The following PITPNC1 variants were observed in gnomAD, a reference collection of about 807,000 sequenced individuals.
PITPNC1 encodes the protein phosphatidylinositol transfer protein cytoplasmic 1.
In PITPNC1, 18 loss-of-function variants were observed where a neutral mutation model predicts 44.7. The observed-to-expected ratio is 0.40, with a 90% CI of 0.28 to 0.60. PITPNC1 has a LOEUF of 0.60. PITPNC1 is among the 20% of genes least tolerant of loss of function. PITPNC1 has a pLI of 0.39. For missense variants in PITPNC1, 290 were observed against 418.4 expected, an observed-to-expected ratio of 0.69 and a Z score of 2.68; for synonymous variants, 141 against 149.6, an observed-to-expected ratio of 0.94 and a Z score of 0.42.
intron 1 of PITPNC1, among the ~76,000 whole-genome samples, chr17:67,451,288 T>C (rs937129655): frequency 2.6e-5 from 4 of 152,216 alleles, no homozygotes; most frequent in South Asian, 2.1e-4. Context: ...CACCTTGGCC[T>C]CCCAGACTGC....
chr17:67,393,407 GT>G (rs371157971), intron 1 of PITPNC1, among the ~76,000 whole-genome samples: 3,996 of 146,146 alleles, frequency 0.027, 174 homozygotes, highest in African/African-American at 0.09. Flanking sequence ...ATCTGATCAG[GT>G]TTTTTTTTTT....
At chr17:67,521,479 A>G (rs1437127634) in intron 1 of PITPNC1, among the ~76,000 whole-genome samples, 1 of 152,028 alleles carries the variant, frequency 6.6e-6, no homozygotes, top group East Asian at 1.9e-4. Flanking sequence ...GCAGGTTTGT[A>G]TTTTCTTTGT....
rs577296045 is a variant in PITPNC1, at chr17:67,540,033, A to C, written c.197+7083A>C. Among the ~76,000 whole-genome samples, 238 of 152,188 alleles carry C rather than the reference A, an allele frequency of 1.6e-3. 1 individual carries two copies. The highest frequency in any genetic ancestry group is 5.6e-3 in the African/African-American group (233 of 41,524). On this transcript the variant is annotated intron_variant, in intron 2 of 8. Coordinates refer to ENST00000581322, the MANE Select transcript of PITPNC1 (RefSeq NM_012417.4). ...TTACCTTTGAGGAGGGAGAGGAATG[A>C]GTTGGCATGAGAGGAAACTTTACCT...
intron 5 of PITPNC1, among the ~76,000 whole-genome samples, chr17:67,627,769 A>G (rs2041913277): frequency 6.6e-6 from 1 of 152,152 alleles, no homozygotes; most frequent in Non-Finnish European, 1.5e-5. Flanking sequence ...CTGACTGGCC[A>G]TGTGACTTTG....
intron 1 of PITPNC1, among the ~76,000 whole-genome samples, chr17:67,515,084 C>G (rs1301231678): frequency 2.0e-5 from 3 of 152,168 alleles, no homozygotes; most frequent in African/African-American, 7.2e-5. Context: ...GGTTAAAAAT[C>G]AGATTTGTCT....
intron 1 of PITPNC1, among the ~76,000 whole-genome samples, chr17:67,406,460 C>T (rs1157267737): frequency 6.6e-6 from 1 of 152,142 alleles, no homozygotes; most frequent in Non-Finnish European, 1.5e-5. Flanking sequence ...TAAATGGAAT[C>T]ACACAATGTA....
At chr17:67,614,308 A>T (rs1016790048) in intron 5 of PITPNC1, among the ~76,000 whole-genome samples, 21 of 152,098 alleles carry the variant, frequency 1.4e-4, no homozygotes, top group Non-Finnish European at 8.8e-5. Context: ...CAGAATAAAG[A>T]TTCTTTATTC....
rs34768084 is a variant in PITPNC1, at chr17:67,403,218, CAAAAA to C, written c.48+25035_48+25039del. The stretch of plus-strand genomic sequence containing the variant: ...GGCAACACAGTGGACCTCATCTCTA[CAAAAA>C]AAAAAAAAAAAAAAAAAAGTCATGA... On this transcript the variant is annotated intron_variant, in intron 1 of 8. Transcript: ENST00000581322. 2.2e-3 allele frequency among the ~76,000 whole-genome samples: 152 copies of C among 68,952 alleles called. 1 individual carries two copies. Among genetic ancestry groups the C allele is most frequent in the African/African-American group, 3.6e-3 (69 of 19,114 alleles). The allele number at this position is 68,952 out of a possible 152,430, so 45.2% of individuals were successfully genotyped here.
intron 1 of PITPNC1, among the ~76,000 whole-genome samples, chr17:67,479,717 C>T (rs1228359237): frequency 6.6e-6 from 1 of 152,098 alleles, no homozygotes; most frequent in Non-Finnish European, 1.5e-5. Flanking sequence ...TAAGGCTTAT[C>T]ATGATATCCT....
chr17:67,539,955 C>T (rs1398563199), intron 2 of PITPNC1, among the ~76,000 whole-genome samples: 1 of 151,974 alleles, frequency 6.6e-6, no homozygotes, highest in Non-Finnish European at 1.5e-5. Context: ...TTACAGACAA[C>T]CGCATATGTA....
chr17:67,391,223 A>G (rs946121557), intron 1 of PITPNC1, among the ~76,000 whole-genome samples: 1 of 151,992 alleles, frequency 6.6e-6, no homozygotes, highest in Non-Finnish European at 1.5e-5. Context: ...TCTTTCCTAG[A>G]CTGAATCACT....
At position 67,512,500 on chromosome 17, in the gene PITPNC1, C is replaced by CAAAA. The variant is rs1006177232; in HGVS notation, c.49-20282_49-20279dup. ...TGGGCGACAGAGTGAGACTGTGTCT[C>CAAAA]AAAAAAAAAAAAAAAAAAAAAAACA... On this transcript the variant is annotated intron_variant, in intron 1 of 8. Coordinates refer to ENST00000581322, the MANE Select transcript of PITPNC1 (RefSeq NM_012417.4). 8.5e-3 allele frequency among the ~76,000 whole-genome samples: 507 copies of CAAAA among 59,620 alleles called. 19 individuals are homozygous for CAAAA. The highest frequency in any genetic ancestry group is 0.032 in the African/African-American group (482 of 15,138). 39.1% of individuals were successfully genotyped at this position (59,620 alleles called of 152,430 possible).
intron 6 of PITPNC1, among the ~76,000 whole-genome samples, chr17:67,634,023 C>T (rs901032568): frequency 1.3e-5 from 2 of 152,208 alleles, no homozygotes; most frequent in African/African-American, 4.8e-5. Context: ...TTCTAGTCAA[C>T]GTGCCTGACT....
chr17:67,505,395 C>T (rs1399339183), intron 1 of PITPNC1, among the ~76,000 whole-genome samples: 1 of 152,168 alleles, frequency 6.6e-6, no homozygotes, highest in Non-Finnish European at 1.5e-5. Context: ...TTATGTATTT[C>T]AGGGCTCTGT....
At chr17:67,624,161 T>C (rs1434753145) in intron 5 of PITPNC1, among the ~76,000 whole-genome samples, 1 of 152,116 alleles carries the variant, frequency 6.6e-6, no homozygotes. Flanking sequence ...AATAAAAATA[T>C]TTGTGCGTAA....
intron 1 of PITPNC1, among the ~76,000 whole-genome samples, chr17:67,409,175 C>T (rs2038453239): frequency 6.7e-6 from 1 of 148,886 alleles, no homozygotes; most frequent in African/African-American, 2.5e-5. Flanking sequence ...AGCTCCGCTT[C>T]CCGGGTTCAC....
intron 1 of PITPNC1, among the ~76,000 whole-genome samples, chr17:67,420,871 C>T (rs1394702193): frequency 6.6e-6 from 1 of 152,184 alleles, no homozygotes; most frequent in Non-Finnish European, 1.5e-5. Flanking sequence ...TAGCCCTTTA[C>T]TCATACTAAC....
chr17:67,643,223 T>C (rs2042109685), intron 6 of PITPNC1, among the ~76,000 whole-genome samples: 1 of 152,068 alleles, frequency 6.6e-6, no homozygotes, highest in African/African-American at 2.4e-5. Context: ...CCCTGTCTAC[T>C]AAAAATACGA....
At chr17:67,565,012 A>G (rs894725350) in intron 4 of PITPNC1, among the ~76,000 whole-genome samples, 4 of 151,508 alleles carry the variant, frequency 2.6e-5, no homozygotes, top group Non-Finnish European at 4.4e-5. Context: ...TAGTTTTTCA[A>G]TGTTTTTCAG....
Sources: gnomAD v4.1 joint callset for allele counts (sites outside exome capture counted in the v4.1 genomes callset) on GRCh38, gnomAD v4.1.1 for gene constraint, MANE v1.5 for transcripts, NCBI Gene and HGNC (gene_info 2026-07-23, HGNC 2026-07-21) for gene names.